UGT1A9: variants seen among roughly 807,000 people sequenced by gnomAD.
UGT1A9 encodes the protein UDP glucuronosyltransferase family 1 member A9.
In UGT1A9, 35 loss-of-function variants were observed where a neutral mutation model predicts 45.0. That is an observed-to-expected ratio of 0.78 (90% CI 0.59 to 1.03). UGT1A9 has a LOEUF of 1.03. Ranked by LOEUF, UGT1A9 falls within the 50% of genes least tolerant of loss-of-function variation. The probability of loss-of-function intolerance (pLI) is 0.00; values close to 1 mark genes in which losing one functional copy is unlikely to be tolerated. For missense variants in UGT1A9, 687 were observed against 666.6 expected (o/e 1.03, Z -0.34); for synonymous variants, 278 against 250.6 (o/e 1.11, Z -1.03).
intron 1 of UGT1A9, among the ~76,000 whole-genome samples, chr2:233,725,890 G>A (rs2077482116): frequency 6.6e-6 from 1 of 152,164 alleles, no homozygotes; most frequent in Admixed American, 6.5e-5. Context: ...TTTGTAGGCA[G>A]GTGGGTGGCT....
intron 1 of UGT1A9, among the ~76,000 whole-genome samples, chr2:233,700,278 T>G (rs2075554509): frequency 6.6e-6 from 1 of 152,242 alleles, no homozygotes; most frequent in African/African-American, 2.4e-5. Flanking sequence ...AGGCACTTTT[T>G]AAAATACGTG....
intron 1 of UGT1A9, among the ~76,000 whole-genome samples, chr2:233,711,768 A>T (rs138965845): frequency 6.6e-6 from 1 of 152,336 alleles, no homozygotes; most frequent in Non-Finnish European, 1.5e-5. Context: ...AGAGGAAGTG[A>T]GATAGAAAGT....
chr2:233,734,491 GT>G (rs528831440), intron 1 of UGT1A9, among the ~76,000 whole-genome samples: 1 of 151,904 alleles, frequency 6.6e-6, no homozygotes, highest in Non-Finnish European at 1.5e-5. Context: ...TTTTTTGAAG[GT>G]TTTTTTGTGT....
At chr2:233,674,636 G>T (rs1183537110) in intron 1 of UGT1A9, among the ~76,000 whole-genome samples, 1 of 121,776 alleles carries the variant, frequency 8.2e-6, no homozygotes, top group African/African-American at 2.6e-5. Flanking sequence ...CATTTATTTT[G>T]ATTATAAATA....
intron 1 of UGT1A9, among the ~76,000 whole-genome samples, chr2:233,699,110 A>C (rs1295776189): frequency 1.3e-5 from 2 of 152,202 alleles, no homozygotes; most frequent in East Asian, 1.9e-4. Flanking sequence ...CACCTGCCCC[A>C]AAACAGTTCT....
chr2:233,724,330 C>CA (rs2077223829), intron 1 of UGT1A9, among the ~76,000 whole-genome samples: 2 of 121,986 alleles, frequency 1.6e-5, no homozygotes, highest in Admixed American at 8.1e-5. Flanking sequence ...GCTGGCCAGG[C>CA]GGGGGGCTGA....
At chr2:233,737,218 C>T (rs1437644428) in intron 1 of UGT1A9, among the ~76,000 whole-genome samples, 1 of 152,212 alleles carries the variant, frequency 6.6e-6, no homozygotes, top group African/African-American at 2.4e-5. Context: ...CTGTTCAGTT[C>T]CAGCTTCCTG....
In UGT1A9 at chr2:233,772,635, A is replaced by G. The variant is rs1700539983; in HGVS notation, c.*76A>G. On this transcript the variant is annotated 3_prime_UTR_variant, in exon 5 of 5. Transcript: ENST00000354728. ...CAAACTTGAAAACAGAATCAGTGTT[A>G]AATTCATTTTATTCTTATTAAGGAA... 19 of 1,555,814 alleles carry G rather than the reference A, an allele frequency of 1.2e-5. No individual in the cohort carries two copies. Among genetic ancestry groups the G allele is most frequent in the Non-Finnish European group, 1.6e-5 (18 of 1,149,838 alleles).
intron 1 of UGT1A9, among the ~76,000 whole-genome samples, chr2:233,679,969 T>C (rs1273128674): frequency 6.6e-6 from 1 of 152,200 alleles, no homozygotes; most frequent in Admixed American, 6.5e-5. Context: ...CTGGCATAGC[T>C]GCAGCAATGT....
chr2:233,768,949 T>G (rs973201287), intron 4 of UGT1A9, among the ~76,000 whole-genome samples: 26 of 152,212 alleles, frequency 1.7e-4, no homozygotes, highest in Admixed American at 1.5e-3. Context: ...TTAGTTTCTA[T>G]ATAATTTATC....
intron 1 of UGT1A9, among the ~76,000 whole-genome samples, chr2:233,745,499 C>T (rs763251786): frequency 6.6e-6 from 1 of 151,510 alleles, no homozygotes; most frequent in Non-Finnish European, 1.5e-5. Context: ...TCTAAGATTT[C>T]CTATAGGGTA....
At chr2:233,752,422 T>C (rs1694966934) in intron 1 of UGT1A9, 1 of 152,180 alleles carries the variant, frequency 6.6e-6, no homozygotes, top group Non-Finnish European at 1.5e-5. Context: ...GAAAACCTGA[T>C]TTATCGAACC....
At chr2:233,690,438 C>T (rs2074990341) in intron 1 of UGT1A9, 2 of 1,277,062 alleles carry the variant, frequency 1.6e-6, no homozygotes, top group African/African-American at 1.5e-5. Flanking sequence ...CTTTGGGTCT[C>T]TCCTCTATTC....
intron 1 of UGT1A9, chr2:233,693,893 C>A (rs756262106): frequency 6.2e-7 from 1 of 1,613,750 alleles, no homozygotes; most frequent in Non-Finnish European, 8.5e-7. Flanking sequence ...TTTTGGACTG[C>A]CTTGTTTCTT....
intron 1 of UGT1A9, chr2:233,712,961 G>A: frequency 6.2e-7 from 1 of 1,612,910 alleles, no homozygotes; most frequent in Non-Finnish European, 8.5e-7. Flanking sequence ...AACGTGGGGT[G>A]GACAGTCAGC....
rs12623271 is a variant in UGT1A9, at chr2:233,691,295, C to A, written c.855+18506C>A. The stretch of plus-strand genomic sequence containing the variant: ...CCATGACTTTGATCATTGTAAGCTG[C>A]CAATCCTCTTGGGAGGCTGCTCCCA... On this transcript the variant is annotated intron_variant, in intron 1 of 4. Coordinates refer to ENST00000354728, the MANE Select transcript of UGT1A9 (RefSeq NM_021027.3). The A allele has an allele frequency of 3.0e-6, 3 of 985,172 alleles. No individual in the cohort carries two copies. The Admixed American group carries it at 1.8e-4, about 61-fold the overall frequency. 61.0% of individuals were successfully genotyped at this position (985,172 alleles called of 1,614,324 possible).
chr2:233,695,064 C>T (rs576556742), intron 1 of UGT1A9, among the ~76,000 whole-genome samples: 11 of 152,176 alleles, frequency 7.2e-5, no homozygotes, highest in South Asian at 2.1e-4. Context: ...ACTGTGCTAT[C>T]GCACTTTGGA....
At chr2:233,700,966 G>A (rs936237302) in intron 1 of UGT1A9, among the ~76,000 whole-genome samples, 4 of 151,880 alleles carry the variant, frequency 2.6e-5, no homozygotes, top group African/African-American at 4.8e-5. Context: ...GAGAACATGC[G>A]GTGTTTGATT....
intron 1 of UGT1A9, chr2:233,729,362 C>G (rs777664797): frequency 6.2e-7 from 1 of 1,614,044 alleles, no homozygotes; most frequent in Non-Finnish European, 8.5e-7. Context: ...ACCCTGACAA[C>G]CTATGCCATT....
Sources: allele counts gnomAD v4.1 joint callset (sites outside exome capture counted in the v4.1 genomes callset), GRCh38; gene constraint gnomAD v4.1.1; transcripts MANE v1.5; gene names NCBI Gene and HGNC (gene_info 2026-07-23, HGNC 2026-07-21).